CNTNAP3: variants seen among roughly 807,000 people sequenced by gnomAD.
CNTNAP3 encodes contactin associated protein family member 3.
Under a neutral mutation model 92.1 loss-of-function variants are expected in CNTNAP3, and 36 were observed. The observed-to-expected ratio is 0.39, with a 90% CI of 0.30 to 0.52. The LOEUF (loss-of-function observed/expected upper bound fraction) is 0.52. CNTNAP3 is among the 20% of genes least tolerant of loss of function. The pLI is 0.76. For missense variants in CNTNAP3, 534 were observed against 1,069.6 expected, an observed-to-expected ratio of 0.50 and a Z score of 6.98; for synonymous variants, 232 against 422.3, an observed-to-expected ratio of 0.55 and a Z score of 5.53.
At chr9:39,115,678 G>A (rs1386264987) in intron 14 of CNTNAP3, among the ~76,000 whole-genome samples, 1 of 152,000 alleles carries the variant, frequency 6.6e-6, no homozygotes, top group African/African-American at 2.4e-5. Context: ...TTTAAAACCT[G>A]CTTCTCTCCT....
In CNTNAP3 at chr9:39,254,405, A is replaced by G. The variant is rs1361116289; in HGVS notation, c.196+12491T>C. On this transcript the variant is annotated intron_variant, in intron 2 of 23. Transcript: ENST00000297668. The stretch of plus-strand genomic sequence containing the variant: ...CAATCTGAACCAAAGGGAGATTGTT[A>G]TATCTACTGACAAATACAAAAATCA... 1.4e-4 allele frequency among the ~76,000 whole-genome samples: 3 copies of G among 21,904 alleles called. 1 individual carries two copies. The highest frequency in any genetic ancestry group is 3.3e-4 in the African/African-American group (3 of 9,126). 14.4% of individuals were successfully genotyped at this position (21,904 alleles called of 152,430 possible). A position where few individuals can be genotyped will look rare whatever the true frequency, so the allele number is the denominator to read the frequency against.
intron 15 of CNTNAP3, among the ~76,000 whole-genome samples, chr9:39,105,180 C>T (rs1453383636): frequency 6.6e-6 from 1 of 152,184 alleles, no homozygotes; most frequent in Non-Finnish European, 1.5e-5. Context: ...GTAACCCCAG[C>T]ACTTTGGGAG....
intron 12 of CNTNAP3, among the ~76,000 whole-genome samples, chr9:39,136,573 AG>A (rs1159774861): frequency 6.6e-6 from 1 of 152,134 alleles, no homozygotes; most frequent in East Asian, 1.9e-4. Flanking sequence ...TATGTAGGTA[AG>A]GTGCTTTCTT....
In CNTNAP3 at chr9:39,103,827, C is replaced by T. The variant is rs1241119864; in HGVS notation, c.2453G>A (p.Cys818Tyr). ...AFHGELTADV[C>Y]FFFKTTVSSG... ...GGAAACTGTGGTCTTAAAAAAGAAG[C>T]ACACGTCAGCAGTGAGTTCTCCGTG... The change falls in exon 16 of 24, where the codon TGC becomes TAC. Residue 818 changes from cysteine to tyrosine, a missense_variant. Cys to Tyr is a radical substitution (Grantham distance 194). Transcript: ENST00000297668. The T allele has an allele frequency of 1.2e-6, 2 of 1,611,078 alleles. No homozygotes were observed. The highest frequency in any genetic ancestry group is 8.5e-7 in the Non-Finnish European group (1 of 1,179,642).
intron 13 of CNTNAP3, among the ~76,000 whole-genome samples, chr9:39,131,373 G>A (rs1340412949): frequency 1.3e-5 from 2 of 152,198 alleles, no homozygotes; most frequent in African/African-American, 4.8e-5. Context: ...CAGCTGCTAA[G>A]TGACAGACTT....
At chr9:39,136,406 A>G (rs1373820213) in intron 12 of CNTNAP3, among the ~76,000 whole-genome samples, 1 of 152,060 alleles carries the variant, frequency 6.6e-6, no homozygotes, top group East Asian at 1.9e-4. Context: ...TCTTTTAGAG[A>G]ACTGACCCTT....
In CNTNAP3 at chr9:39,086,743, G is replaced by T. The variant is rs1377161098; in HGVS notation, c.3327C>A (p.Asn1109Lys). Residue 1109 changes from asparagine to lysine, a missense_variant, in exon 20 of 24, where the codon AAC becomes AAA. By Grantham distance (94) the Asn-to-Lys change is moderately conservative (BLOSUM62 0). Transcript: ENST00000297668. ...CTACCATGACCACAGCTTCTTCTCTGTTAATCTTCACTTGGTGAAGTTGCC... is the reference window on the plus strand; with the variant it reads ...CTACCATGACCACAGCTTCTTCTCTTTTAATCTTCACTTGGTGAAGTTGCC... ...ADGQLHQVKINREEAVVMVEV... is the reference protein window; with the variant it reads ...ADGQLHQVKIKREEAVVMVEV... The T allele has an allele frequency of 6.2e-7, 1 of 1,610,780 alleles. No individual in the cohort carries two copies. The highest frequency in any genetic ancestry group is 8.5e-7 in the Non-Finnish European group (1 of 1,179,620).
intron 18 of CNTNAP3, among the ~76,000 whole-genome samples, chr9:39,097,948 C>T (rs1826363612): frequency 6.6e-6 from 1 of 150,384 alleles, no homozygotes; most frequent in Non-Finnish European, 1.5e-5. Flanking sequence ...CCTTATGTGG[C>T]CAGCCTGGAA....
intron 13 of CNTNAP3, among the ~76,000 whole-genome samples, chr9:39,121,984 A>G (rs1398323690): frequency 1.3e-5 from 2 of 152,152 alleles, no homozygotes; most frequent in Admixed American, 6.5e-5. Context: ...GGGAAGGGGA[A>G]GGAAGCTGAG....
At chr9:39,112,378 T>A (rs1444657793) in intron 14 of CNTNAP3, among the ~76,000 whole-genome samples, 2 of 152,028 alleles carry the variant, frequency 1.3e-5, no homozygotes, top group Admixed American at 1.3e-4. Flanking sequence ...TTTTTTTTTT[T>A]CTTTGAGACA....
chr9:39,147,577 T>G (rs1821732556), intron 10 of CNTNAP3, among the ~76,000 whole-genome samples: 1 of 152,194 alleles, frequency 6.6e-6, no homozygotes, highest in Admixed American at 6.5e-5. Flanking sequence ...TAAAAGTGCT[T>G]TCTTAAAACC....
rs1587689135 is a variant in CNTNAP3, at chr9:39,068,389, C to T, written c.*5501G>A. ...CAGGATCGCGCCACTGCACTCCAGC[C>T]TGAGCGACAGAGCAAGACTCCGTCT... is the stretch of plus-strand genomic sequence containing the variant. On this transcript the variant is annotated 3_prime_UTR_variant, in exon 24 of 24. Transcript: ENST00000297668. Among the ~76,000 whole-genome samples, 5 of 152,420 alleles carry T rather than the reference C, an allele frequency of 3.3e-5. No individual in the cohort carries two copies. In the East Asian group the frequency reaches 7.7e-4, roughly 23 times the overall value.
At position 39,077,086 on chromosome 9, in the gene CNTNAP3, A is replaced by G. The variant is rs575721978; in HGVS notation, c.3745+1299T>C. Among the ~76,000 whole-genome samples the G allele has an allele frequency of 2.6e-5, 4 of 152,394 alleles. No individual in the cohort carries two copies. The East Asian group carries it at 7.7e-4, about 29-fold the overall frequency. ...CATTGCCAAAACATATTTTTAAGCT[A>G]TGCTTAACTTCACTTTTCTTCAATT... On this transcript the variant is annotated intron_variant, in intron 23 of 23. Coordinates refer to ENST00000297668, the MANE Select transcript of CNTNAP3 (RefSeq NM_033655.5).
chr9:39,124,712 C>T (rs1375966048), intron 13 of CNTNAP3, among the ~76,000 whole-genome samples: 2 of 152,078 alleles, frequency 1.3e-5, no homozygotes, highest in Admixed American at 6.5e-5. Flanking sequence ...TGAACAGACA[C>T]TTCTCAAAAG....
At position 39,127,881 on chromosome 9, in the gene CNTNAP3, C is replaced by A. The variant is rs550236350; in HGVS notation, c.2080+5051G>T. Among the ~76,000 whole-genome samples, 4 of 152,090 alleles carry A rather than the reference C, an allele frequency of 2.6e-5. No individual in the cohort carries two copies. In the East Asian group the frequency reaches 7.7e-4, roughly 29 times the overall value. On this transcript the variant is annotated intron_variant, in intron 13 of 23. Transcript: ENST00000297668. ...TGAGATGAAATCTCGTTCTGTTGCC[C>A]AGGCTGGAGTGCAGTGGTGTGATCT...
Position 39,073,767 on chromosome 9 carries a change from G to T in CNTNAP3, c.*123C>A. ...GCACCTGCTTGTGTGCACCCTGATG[G>T]CAACAGCAGGGAAGTCCACAGTCAC... On this transcript the variant is annotated 3_prime_UTR_variant, in exon 24 of 24. Coordinates refer to ENST00000297668, the MANE Select transcript of CNTNAP3 (RefSeq NM_033655.5). 9 of 1,590,198 alleles carry T rather than the reference G, an allele frequency of 5.7e-6. No individual in the cohort carries two copies. Among genetic ancestry groups the T allele is most frequent in the Non-Finnish European group, 6.8e-6 (8 of 1,174,394 alleles).
rs1441527817 is a variant in CNTNAP3 at position 39,068,265 on chromosome 9, A to C, written c.*5625T>G. ...ATACAAAAAAAAAAAAAAAAAAAAA[A>C]ATTAGCTGGGCATGTTGGCTTGTGC... On this transcript the variant is annotated 3_prime_UTR_variant, in exon 24 of 24. Coordinates refer to ENST00000297668, the MANE Select transcript of CNTNAP3 (RefSeq NM_033655.5). 7.1e-5 allele frequency among the ~76,000 whole-genome samples: 10 copies of C among 141,296 alleles called. No homozygotes were observed. Among genetic ancestry groups the C allele is most frequent in the African/African-American group, 2.1e-4 (8 of 37,854 alleles). 92.7% of individuals were successfully genotyped at this position (141,296 alleles called of 152,430 possible). A position where few individuals can be genotyped will look rare whatever the true frequency, so the allele number is the denominator to read the frequency against.
intron 21 of CNTNAP3, chr9:39,085,114 G>T (rs1399187960): frequency 6.9e-6 from 1 of 145,256 alleles, no homozygotes; most frequent in Non-Finnish European, 1.5e-5. Flanking sequence ...ACTTTCCTCA[G>T]TTCCTTTATT....
chr9:39,107,089 T>A (rs1826622370), intron 15 of CNTNAP3, among the ~76,000 whole-genome samples: 1 of 152,000 alleles, frequency 6.6e-6, no homozygotes, highest in South Asian at 2.1e-4. Flanking sequence ...CGAGAAGAAT[T>A]CAACTCCATT....
Sources: gnomAD v4.1 joint callset for allele counts (sites outside exome capture counted in the v4.1 genomes callset) on GRCh38, gnomAD v4.1.1 for gene constraint, MANE v1.5 for transcripts, NCBI Gene and HGNC (gene_info 2026-07-23, HGNC 2026-07-21) for gene names.